ZNF718: variants seen among roughly 807,000 people sequenced by gnomAD.
ZNF718 encodes zinc finger protein 718.
A neutral mutation model predicts 2.6 loss-of-function variants in ZNF718; 3 were observed. The ratio of observed to expected loss-of-function variants is 1.16; its 90% confidence interval spans 0.53 to 3.01. The LOEUF is 3.01. Among genes scored for constraint, ZNF718 ranks in the 30% most tolerant of loss-of-function variants. The pLI, the probability that ZNF718 is intolerant of heterozygous loss-of-function variation, is 0.03. For missense variants in ZNF718, 468 were observed against 230.0 expected, an observed-to-expected ratio of 2.03 and a Z score of -6.69; for synonymous variants, 135 against 77.9, an observed-to-expected ratio of 1.73 and a Z score of -3.86.
At chr4:159,269 C>T (rs1261670878) in intron 3 of ZNF718, among the ~76,000 whole-genome samples, 3 of 152,068 alleles carry the variant, frequency 2.0e-5, no homozygotes, top group South Asian at 2.1e-4. Flanking sequence ...AACTCCTGAC[C>T]TTGTGATCTG....
chr4:168,543 C>T (rs782715607), downstream of ZNF718, among the ~76,000 whole-genome samples: 1 of 152,074 alleles, frequency 6.6e-6, no homozygotes, highest in Admixed American at 6.6e-5. Flanking sequence ...TGTTATTGGT[C>T]TATTCAGATA....
rs2108802832 is a variant in ZNF718, at chr4:161,003, T to C, written c.318T>C (p.Arg106=). ...TTATACCAAAAGGACATGAGAAACG[T>C]GGACATGAGAATTTAAGAAAAACTT... is the stretch of plus-strand genomic sequence containing the variant. ...HKLIPKGHEK[R]GHENLRKTCK... is the part of the protein sequence containing the mutation. Residue 106 remains arginine, a synonymous_variant, in exon 4 of 4, where the codon CGT becomes CGC. Transcript: ENST00000510175. 1.3e-6 allele frequency: 1 copy of C among 780,994 alleles called. No individual in the cohort carries two copies. Among genetic ancestry groups the C allele is most frequent in the Middle Eastern group, 2.3e-4 (1 of 4,440 alleles). 48.4% of individuals were successfully genotyped at this position (780,994 alleles called of 1,614,324 possible). A position where few individuals can be genotyped will look rare whatever the true frequency, so the allele number is the denominator to read the frequency against.
intron 3 of ZNF718, among the ~76,000 whole-genome samples, chr4:154,544 A>C (rs2108798194): frequency 6.6e-6 from 1 of 152,310 alleles, no homozygotes; most frequent in East Asian, 1.9e-4. Context: ...GTCTCTTGCC[A>C]TGTTTTAGCA....
chr4:151,680 A>G (rs113916903), intron 3 of ZNF718, among the ~76,000 whole-genome samples: 5 of 152,174 alleles, frequency 3.3e-5, no homozygotes, highest in African/African-American at 1.2e-4. Flanking sequence ...AGGTTTCACC[A>G]TGTTGGCCAG....
chr4:166,248 A>G (rs1396899168), downstream of ZNF718, among the ~76,000 whole-genome samples: 1 of 152,154 alleles, frequency 6.6e-6, no homozygotes, highest in South Asian at 2.1e-4. Flanking sequence ...TCCAGTCTAC[A>G]CTGTTGGACA....
At chr4:158,941 A>G (rs1249577203) in intron 3 of ZNF718, among the ~76,000 whole-genome samples, 5 of 146,918 alleles carry the variant, frequency 3.4e-5, no homozygotes, top group African/African-American at 1.3e-4. Context: ...CTTTTTCAGC[A>G]TTTGGTTATC....
chr4:179,443 A>T (rs1405030315), intron 3 of ZNF718, among the ~76,000 whole-genome samples: 1 of 152,200 alleles, frequency 6.6e-6, no homozygotes, highest in African/African-American at 2.4e-5. Flanking sequence ...AATTTTAATA[A>T]GGCTGACATG....
chr4:149,366 A>C (rs939850622), intron 3 of ZNF718, among the ~76,000 whole-genome samples: 1 of 152,176 alleles, frequency 6.6e-6, no homozygotes. Context: ...ACAGTTAAAA[A>C]CTGTAGTTAT....
chr4:186,045 A>G (rs1241827870), intron 3 of ZNF718, among the ~76,000 whole-genome samples: 2 of 151,990 alleles, frequency 1.3e-5, no homozygotes, highest in African/African-American at 4.8e-5. Context: ...TCATGATGCT[A>G]GCTGGTTATT....
At chr4:136,231 C>T (rs782760370) in intron 3 of ZNF718, among the ~76,000 whole-genome samples, 19 of 152,104 alleles carry the variant, frequency 1.2e-4, no homozygotes, top group Non-Finnish European at 1.8e-4. Flanking sequence ...TACTGACTAC[C>T]GGGGAACAGT....
At chr4:164,778 G>A (rs1313525879), downstream of ZNF718, among the ~76,000 whole-genome samples, 1 of 151,952 alleles carries the variant, frequency 6.6e-6, no homozygotes, top group African/African-American at 2.4e-5. Context: ...TTATTTATTG[G>A]GCCAATTCAA....
intron 3 of ZNF718, among the ~76,000 whole-genome samples, chr4:193,342 G>A (rs1325588281): frequency 6.6e-6 from 1 of 152,016 alleles, no homozygotes; most frequent in African/African-American, 2.4e-5. Flanking sequence ...ATGGCTTCCT[G>A]GTGTTTGTTA....
chr4:134,728 TTG>T (rs1244439032), intron 3 of ZNF718, among the ~76,000 whole-genome samples: 3 of 151,926 alleles, frequency 2.0e-5, no homozygotes, highest in Non-Finnish European at 4.4e-5. Context: ...CAAATGAAAA[TTG>T]TTTCTTTTTT....
intron 3 of ZNF718, among the ~76,000 whole-genome samples, chr4:175,529 T>C (rs1717328563): frequency 6.6e-6 from 1 of 152,190 alleles, no homozygotes; most frequent in African/African-American, 2.4e-5. Context: ...GGCAATCTTA[T>C]TTGCAGGGGC....
At chr4:197,812 G>A (rs530446197) in intron 3 of ZNF718, among the ~76,000 whole-genome samples, 11 of 152,298 alleles carry the variant, frequency 7.2e-5, no homozygotes, top group South Asian at 6.2e-4. Flanking sequence ...CTCTTCCATG[G>A]TGTTTCATTC....
intron 3 of ZNF718, among the ~76,000 whole-genome samples, chr4:195,480 A>T (rs1390563953): frequency 1.3e-5 from 2 of 152,158 alleles, no homozygotes; most frequent in Admixed American, 1.3e-4. Context: ...CCTGTTAGGA[A>T]ATCTGCTGGG....
chr4:200,233 G>T (rs558574929), intron 3 of ZNF718, among the ~76,000 whole-genome samples: 6 of 149,656 alleles, frequency 4.0e-5, no homozygotes, highest in Non-Finnish European at 7.5e-5. Flanking sequence ...GGGGAGGAAG[G>T]AGGAGGTTTT....
rs928516757 is a variant in ZNF718 at position 147,800 on chromosome 4, G to A, written c.227-13112G>A. Among the ~76,000 whole-genome samples, 12 of 152,234 alleles carry A rather than the reference G, an allele frequency of 7.9e-5. No individual in the cohort carries two copies. In the South Asian group the frequency reaches 2.5e-3, roughly 32 times the overall value. The stretch of plus-strand genomic sequence containing the variant: ...AATTGCTTGAACCCGGGAGGTGGAG[G>A]TTGCACGGAGCTGAGATCACACCAC... On this transcript the variant is annotated intron_variant, in intron 3 of 3. Transcript: ENST00000510175.
chr4:137,969 T>G (rs1429317510), intron 3 of ZNF718, among the ~76,000 whole-genome samples: 2 of 152,200 alleles, frequency 1.3e-5, no homozygotes, highest in Non-Finnish European at 2.9e-5. Context: ...TTTAATTTAT[T>G]CAAGATAGTT....
Sources: gnomAD v4.1 joint callset for allele counts (sites outside exome capture counted in the v4.1 genomes callset) on GRCh38, gnomAD v4.1.1 for gene constraint, MANE v1.5 for transcripts, NCBI Gene and HGNC (gene_info 2026-07-23, HGNC 2026-07-21) for gene names.